The following NT5C2 variants were observed in gnomAD, a reference collection of about 807,000 sequenced individuals.
NT5C2 encodes cytosolic purine 5'-nucleotidase.
A neutral mutation model predicts 76.1 loss-of-function variants in NT5C2; 58 were observed. The ratio of observed to expected loss-of-function variants is 0.76; its 90% CI spans 0.62 to 0.95. The LOEUF (loss-of-function observed/expected upper bound fraction) is 0.95. NT5C2 is among the 40% of genes least tolerant of loss of function. The pLI, the probability that NT5C2 is intolerant of heterozygous loss-of-function variation, is 0.00. For synonymous variants in NT5C2, 229 were observed against 237.4 expected (o/e 0.96, Z 0.32); for missense variants, 478 against 690.3 (o/e 0.69, Z 3.45).
chr10:103,118,449 C>G (rs2074901515), intron 4 of NT5C2, among the ~76,000 whole-genome samples: 1 of 151,808 alleles, frequency 6.6e-6, no homozygotes, highest in South Asian at 2.1e-4. Flanking sequence ...CTCCGCCTCC[C>G]AGGATCAAGC....
chr10:103,172,810 G>C (rs1207898319), intron 3 of NT5C2, among the ~76,000 whole-genome samples: 1 of 151,986 alleles, frequency 6.6e-6, no homozygotes, highest in Non-Finnish European at 1.5e-5. Context: ...ATTCCAGCCT[G>C]GGCGACAGAA....
intron 4 of NT5C2, among the ~76,000 whole-genome samples, chr10:103,136,992 TCA>T (rs1450417256): frequency 6.6e-6 from 1 of 152,176 alleles, no homozygotes; most frequent in Non-Finnish European, 1.5e-5. Context: ...TATAATCACC[TCA>T]GTTTTCAGTA....
Position 103,193,246 on chromosome 10 carries a change from G to C in NT5C2, c.-179C>G, listed in dbSNP as rs1287528356. The C allele has an allele frequency of 6.6e-6, 1 of 151,874 alleles. No individual in the cohort carries two copies. The highest frequency in any genetic ancestry group is 1.9e-4 in the East Asian group (1 of 5,160). 9.4% of individuals were successfully genotyped at this position (151,874 alleles called of 1,614,324 possible). On this transcript the variant is annotated 5_prime_UTR_variant, in exon 1 of 19. Transcript: ENST00000404739. ...GCCCGCCGCACTCACCGGCTCCAGCGCACCGCAACAATCCCAGCGCGCAAC... is the reference window on the plus strand; with the variant it reads ...GCCCGCCGCACTCACCGGCTCCAGCCCACCGCAACAATCCCAGCGCGCAAC...
At chr10:103,192,870 G>C (rs878896861) in intron 1 of NT5C2, among the ~76,000 whole-genome samples, 1 of 152,220 alleles carries the variant, frequency 6.6e-6, no homozygotes, top group South Asian at 2.1e-4. Context: ...GAGGAAAGGG[G>C]GGAAGAGGGC....
rs2066150305 is a variant in NT5C2, at chr10:103,089,511, A to G, written c.*161T>C. ...CAGAGAGTACAGATACACAAAACCAAAACAAGTATCTATGATAATAAAATC... is the reference window on the plus strand; with the variant it reads ...CAGAGAGTACAGATACACAAAACCAGAACAAGTATCTATGATAATAAAATC... On this transcript the variant is annotated 3_prime_UTR_variant, in exon 19 of 19. Transcript: ENST00000404739. 7.5e-7 allele frequency: 1 copy of G among 1,328,274 alleles called. No individual in the cohort carries two copies. Among genetic ancestry groups the G allele is most frequent in the South Asian group, 1.8e-5 (1 of 55,360 alleles). The allele number at this position is 1,328,274 out of a possible 1,614,324, so 82.3% of individuals were successfully genotyped here. A position where few individuals can be genotyped will look rare whatever the true frequency, so the allele number is the denominator to read the frequency against.
At chr10:103,101,523 T>TC (rs925540889) in intron 6 of NT5C2, among the ~76,000 whole-genome samples, 197 bp from the exon 7 acceptor site, 3 of 151,454 alleles carry the variant, frequency 2.0e-5, no homozygotes, top group Middle Eastern at 3.4e-3. Flanking sequence ...AATTTTTTTT[T>TC]TTTTTTAAGA....
At chr10:103,093,476 G>C (rs552641514) in intron 14 of NT5C2, among the ~76,000 whole-genome samples, 167 bp from the exon 15 acceptor site, 210 of 152,298 alleles carry the variant, frequency 1.4e-3, no homozygotes, top group South Asian at 0.012. Context: ...TCTAAGACAA[G>C]GCCTTCAGCT....
At chr10:103,132,052 C>T (rs1444385270) in intron 4 of NT5C2, among the ~76,000 whole-genome samples, 1 of 151,868 alleles carries the variant, frequency 6.6e-6, no homozygotes, top group Non-Finnish European at 1.5e-5. Flanking sequence ...ACCAGCCTGA[C>T]CAACACGGTG....
chr10:103,098,138 AT>A, intron 10 of NT5C2: 1 of 505,468 alleles, frequency 2.0e-6, no homozygotes. Context: ...TGTGTGTTTA[AT>A]TTTTATTCTA....
intron 12 of NT5C2, among the ~76,000 whole-genome samples, chr10:103,094,943 T>C (rs138397209): frequency 2.6e-5 from 4 of 151,948 alleles, no homozygotes; most frequent in Admixed American, 2.6e-4. Flanking sequence ...GCAGACAAGA[T>C]ATAAATAATA....
intron 3 of NT5C2, among the ~76,000 whole-genome samples, chr10:103,148,656 C>T (rs767364081): frequency 2.2e-4 from 33 of 151,118 alleles, no homozygotes; most frequent in Non-Finnish European, 3.8e-4. Context: ...GAACAGTGCT[C>T]ACTTCGGCAG....
At chr10:103,190,149 C>T (rs1436930637) in intron 1 of NT5C2, among the ~76,000 whole-genome samples, 3 of 150,150 alleles carry the variant, frequency 2.0e-5, no homozygotes, top group Non-Finnish European at 4.4e-5. Flanking sequence ...TACAGGCATG[C>T]GCTACCACGC....
intron 3 of NT5C2, among the ~76,000 whole-genome samples, chr10:103,157,257 C>G (rs944410955): frequency 3.3e-5 from 5 of 151,746 alleles, no homozygotes; most frequent in Admixed American, 3.3e-4. Flanking sequence ...CGAACTAATC[C>G]AAGGAACTAA....
chr10:103,154,023 G>A (rs1038003227), intron 3 of NT5C2, among the ~76,000 whole-genome samples: 21 of 152,104 alleles, frequency 1.4e-4, no homozygotes, highest in African/African-American at 4.8e-4. Flanking sequence ...TGGCATATGG[G>A]GGATAAATCC....
intron 6 of NT5C2, among the ~76,000 whole-genome samples, chr10:103,101,729 T>A (rs1473813370): frequency 6.6e-6 from 1 of 151,962 alleles, no homozygotes; most frequent in Admixed American, 6.6e-5. Flanking sequence ...AAATCACAAC[T>A]ACTACAAGAA....
At chr10:103,124,378 C>T (rs1387228741) in intron 4 of NT5C2, among the ~76,000 whole-genome samples, 2 of 152,170 alleles carry the variant, frequency 1.3e-5, no homozygotes, top group Non-Finnish European at 2.9e-5. Flanking sequence ...ATTTGCAATA[C>T]TTAAACACAC....
At chr10:103,153,776 T>C in intron 3 of NT5C2, 1 of 978,356 alleles carries the variant, frequency 1.0e-6, no homozygotes, top group Non-Finnish European at 1.2e-6. Context: ...GGATAAATAA[T>C]TTTATGTTTT....
intron 4 of NT5C2, among the ~76,000 whole-genome samples, chr10:103,120,426 T>C (rs1430695956): frequency 6.6e-6 from 1 of 152,242 alleles, no homozygotes; most frequent in Admixed American, 6.5e-5. Flanking sequence ...AAGATTAATA[T>C]GCAGAATGTG....
intron 3 of NT5C2, among the ~76,000 whole-genome samples, chr10:103,153,044 A>G (rs2082670234): frequency 6.6e-6 from 1 of 152,242 alleles, no homozygotes; most frequent in Non-Finnish European, 1.5e-5. Context: ...CAGAGTAAAC[A>G]AAGTACTTAT....
Sources: allele counts gnomAD v4.1 joint callset (sites outside exome capture counted in the v4.1 genomes callset), GRCh38; gene constraint gnomAD v4.1.1; transcripts MANE v1.5; gene names NCBI Gene and HGNC (gene_info 2026-07-23, HGNC 2026-07-21).